The following CATSPERE variants were observed in gnomAD, a reference collection of about 807,000 sequenced individuals.
CATSPERE encodes catsper channel auxiliary subunit epsilon.
A neutral mutation model predicts 114.1 loss-of-function variants in CATSPERE; 93 were observed. That is an observed-to-expected ratio of 0.81 (90% CI 0.69 to 0.97). The LOEUF (loss-of-function observed/expected upper bound fraction) is 0.97. CATSPERE is among the 50% of genes least tolerant of loss of function. The pLI is 0.00. For missense variants in CATSPERE, 1,058 were observed against 1,131.6 expected (o/e 0.93, Z 0.93); for synonymous variants, 341 against 384.1 (o/e 0.89, Z 1.31).
chr1:244,542,439 A>C (rs943254889), intron 8 of CATSPERE, among the ~76,000 whole-genome samples: 4 of 152,122 alleles, frequency 2.6e-5, no homozygotes, highest in African/African-American at 9.7e-5. Context: ...AATAGTGAAC[A>C]TTGTACTCAA....
intron 9 of CATSPERE, among the ~76,000 whole-genome samples, chr1:244,557,532 C>CAT (rs61291602): frequency 0.018 from 705 of 40,222 alleles, 23 homozygotes; most frequent in Non-Finnish European, 0.025. Context: ...TTGAAATATT[C>CAT]ATATATATAT....
Position 244,588,618 on chromosome 1 carries a change from G to A in CATSPERE, c.2138+84G>A. ...TAAGTGATAACTGCTAGTGATAATA[G>A]CCTAATGACTGACACATCCACAATG... is the stretch of plus-strand genomic sequence containing the variant. On this transcript the variant is annotated intron_variant, in intron 14 of 21. Coordinates refer to ENST00000366534, the MANE Select transcript of CATSPERE (RefSeq NM_001130957.2). 4.0e-6 allele frequency: 4 copies of A among 1,011,752 alleles called. No homozygotes were observed. The South Asian group carries it at 5.2e-5, about 13-fold the overall frequency. 62.7% of individuals were successfully genotyped at this position (1,011,752 alleles called of 1,614,324 possible). A position where few individuals can be genotyped will look rare whatever the true frequency, so the allele number is the denominator to read the frequency against.
rs114312621 is a variant in CATSPERE, at chr1:244,464,473, T to C, written c.114+517T>C. On this transcript the variant is annotated intron_variant, in intron 2 of 21. Transcript: ENST00000366534. ...CCTACCATCACAAACAATACTGGAA[T>C]GAGTGTCCTCTATAGGTCCTTTTAT... is the stretch of plus-strand genomic sequence containing the variant. Among the ~76,000 whole-genome samples the C allele has an allele frequency of 5.5e-3, 842 of 152,354 alleles. 10 individuals carry two copies. The highest frequency in any genetic ancestry group is 0.019 in the African/African-American group (800 of 41,582).
At chr1:244,510,503 T>A (rs1675521929) in intron 7 of CATSPERE, among the ~76,000 whole-genome samples, 1 of 152,204 alleles carries the variant, frequency 6.6e-6, no homozygotes, top group Non-Finnish European at 1.5e-5. Flanking sequence ...TAAAAAAATG[T>A]TTGAGATTTG....
Position 244,617,705 on chromosome 1 carries a change from G to A in CATSPERE, c.2648+19G>A, listed in dbSNP as rs1383532107. On this transcript the variant is annotated intron_variant, in intron 20 of 21. Transcript: ENST00000366534. ...ACTATAGGTGAATATATGTGTTACT[G>A]TAATAGTGTTAGCATTAGTTCTTCA... The A allele has an allele frequency of 8.0e-6, 12 of 1,504,704 alleles. No individual in the cohort carries two copies. Among genetic ancestry groups the A allele is most frequent in the East Asian group, 2.6e-5 (1 of 39,194 alleles). The allele number at this position is 1,504,704 out of a possible 1,614,324, so 93.2% of individuals were successfully genotyped here.
In CATSPERE at chr1:244,518,692, G is replaced by GA; in HGVS notation, c.532dup (p.Arg178LysfsTer14). The stretch of plus-strand genomic sequence containing the variant: ...GTTTATTCTTCAAATGAGAAAATGA[G>GA]AAGGGGGTATTTAATTTTTTTTAAT... On this transcript the variant is annotated frameshift_variant, in exon 8 of 22. Coordinates refer to ENST00000366534, the MANE Select transcript of CATSPERE (RefSeq NM_001130957.2). LOFTEE classifies it high-confidence loss of function. The GA allele has an allele frequency of 6.8e-7, 1 of 1,479,506 alleles. No individual in the cohort carries two copies. The highest frequency in any genetic ancestry group is 9.2e-7 in the Non-Finnish European group (1 of 1,089,254). The allele number at this position is 1,479,506 out of a possible 1,614,324, so 91.6% of individuals were successfully genotyped here. A position where few individuals can be genotyped will look rare whatever the true frequency, so the allele number is the denominator to read the frequency against.
chr1:244,562,911 T>C (rs1184039929), intron 10 of CATSPERE, among the ~76,000 whole-genome samples: 1 of 151,924 alleles, frequency 6.6e-6, no homozygotes, highest in African/African-American at 2.4e-5. Context: ...CAGGCCTTGG[T>C]GTGTGATGTT....
intron 5 of CATSPERE, among the ~76,000 whole-genome samples, chr1:244,487,694 A>G (rs558984291): frequency 6.6e-6 from 1 of 152,226 alleles, no homozygotes; most frequent in Admixed American, 6.5e-5. Flanking sequence ...CTTGTGGGAC[A>G]GGGATTAAGG....
chr1:244,476,774 A>C (rs1669420088), intron 2 of CATSPERE, among the ~76,000 whole-genome samples: 1 of 152,224 alleles, frequency 6.6e-6, no homozygotes, highest in Non-Finnish European at 1.5e-5. Context: ...AGGGGAAAGA[A>C]TTTCTAAATG....
At chr1:244,466,308 A>AT (rs2148085946) in intron 2 of CATSPERE, among the ~76,000 whole-genome samples, 1 of 152,304 alleles carries the variant, frequency 6.6e-6, no homozygotes, top group South Asian at 2.1e-4. Flanking sequence ...TGCCACTGAA[A>AT]TTTTGAGCAG....
intron 21 of CATSPERE, among the ~76,000 whole-genome samples, chr1:244,636,977 CCTTTAA>C (rs1271233978): frequency 4.6e-5 from 7 of 152,102 alleles, no homozygotes; most frequent in Non-Finnish European, 1.0e-4. Context: ...GAATTGCCAT[CCTTTAA>C]CCAGCAGACT....
At chr1:244,454,217 C>T (rs564528174), upstream of CATSPERE, among the ~76,000 whole-genome samples, 7 of 152,270 alleles carry the variant, frequency 4.6e-5, no homozygotes, top group East Asian at 1.9e-4. Context: ...ATCTGCTCTT[C>T]GTCTTGCCCA....
intron 8 of CATSPERE, among the ~76,000 whole-genome samples, chr1:244,520,827 CA>C: frequency 6.6e-6 from 1 of 152,004 alleles, no homozygotes; most frequent in Admixed American, 6.6e-5. Flanking sequence ...AAAATTGACC[CA>C]AAAAATACAT....
chr1:244,493,199 A>C (rs1277728033), intron 6 of CATSPERE, among the ~76,000 whole-genome samples: 1 of 152,200 alleles, frequency 6.6e-6, no homozygotes, highest in Non-Finnish European at 1.5e-5. Context: ...CAAACTATAT[A>C]TACTACAAGG....
At chr1:244,461,229 C>T, upstream of CATSPERE, 1 of 407,948 alleles carries the variant, frequency 2.5e-6, no homozygotes, top group Non-Finnish European at 4.2e-6. Flanking sequence ...CGGCTACTTT[C>T]AGGCCTCTAG....
intron 19 of CATSPERE, among the ~76,000 whole-genome samples, chr1:244,617,107 C>A (rs1671493310): frequency 6.6e-6 from 1 of 151,990 alleles, no homozygotes; most frequent in Non-Finnish European, 1.5e-5. Context: ...ATCTTGAGAC[C>A]CACAGAAAGA....
intron 5 of CATSPERE, among the ~76,000 whole-genome samples, chr1:244,484,040 A>G (rs934916444): frequency 3.3e-5 from 5 of 152,168 alleles, no homozygotes; most frequent in Non-Finnish European, 5.9e-5. Context: ...TAATTTTCTC[A>G]TACTTATTTA....
rs576526077 is a variant in CATSPERE at position 244,522,754 on chromosome 1, C to T, written c.536+4056C>T. Among the ~76,000 whole-genome samples, 8 of 152,162 alleles carry T rather than the reference C, an allele frequency of 5.3e-5. No homozygotes were observed. In the East Asian group the frequency reaches 5.8e-4, roughly 11 times the overall value. On this transcript the variant is annotated intron_variant, in intron 8 of 21. Coordinates refer to ENST00000366534, the MANE Select transcript of CATSPERE (RefSeq NM_001130957.2). ...ATCTAGAAGAAATGGATAAATTCCT[C>T]GACACATACACTCTCCCAAGACTAA...
At chr1:244,456,357 T>C (rs529774840), upstream of CATSPERE, among the ~76,000 whole-genome samples, 1 of 151,962 alleles carries the variant, frequency 6.6e-6, no homozygotes, top group Non-Finnish European at 1.5e-5. Flanking sequence ...CTGAAGCCAG[T>C]AATCCAATTA....
Sources: gnomAD v4.1 joint callset for allele counts (sites outside exome capture counted in the v4.1 genomes callset) on GRCh38, gnomAD v4.1.1 for gene constraint, MANE v1.5 for transcripts, NCBI Gene and HGNC (gene_info 2026-07-23, HGNC 2026-07-21) for gene names.